Variants in PRCC observed in about 807,000 individuals in gnomAD.
PRCC encodes proline rich mitotic checkpoint control factor, also known as proline-rich protein PRCC.
A neutral mutation model predicts 44.0 loss-of-function variants in PRCC; 10 were observed. The observed-to-expected ratio is 0.23, with a 90% CI of 0.14 to 0.39. The LOEUF is 0.39. Ranked by LOEUF, PRCC falls within the 10% of genes least tolerant of loss-of-function variation. The pLI is 1.00. For missense variants in PRCC, 573 were observed against 624.7 expected, an observed-to-expected ratio of 0.92 and a Z score of 0.88; for synonymous variants, 278 against 259.5, an observed-to-expected ratio of 1.07 and a Z score of -0.69.
In PRCC at chr1:156,767,572, T is replaced by G. The variant is rs546635373; in HGVS notation, c.-200T>G. On this transcript the variant is annotated 5_prime_UTR_variant, in exon 1 of 7. Coordinates refer to ENST00000271526, the MANE Select transcript of PRCC (RefSeq NM_005973.5). ...TGTGTAGTTGCCCGGGACTAGGAGC[T>G]TAAGTGAAGAGGTACGCCTTGTTCG... 1.7e-6 allele frequency: 1 copy of G among 601,528 alleles called. No individual in the cohort carries two copies. Among genetic ancestry groups the G allele is most frequent in the Non-Finnish European group, 2.9e-6 (1 of 344,746 alleles). The allele number at this position is 601,528 out of a possible 1,614,324, so 37.3% of individuals were successfully genotyped here.
chr1:156,772,749 C>T (rs951664574), intron 1 of PRCC, among the ~76,000 whole-genome samples: 1 of 152,226 alleles, frequency 6.6e-6, no homozygotes, highest in Non-Finnish European at 1.5e-5. Flanking sequence ...TAAGAATTGC[C>T]TGCAGTGGAT....
intron 3 of PRCC, among the ~76,000 whole-genome samples, chr1:156,789,104 G>C (rs1652386950): frequency 6.6e-6 from 1 of 151,678 alleles, no homozygotes; most frequent in East Asian, 1.9e-4. Flanking sequence ...CGAGTAACTG[G>C]GATTATATGT....
At chr1:156,774,177 T>C (rs28886072) in intron 1 of PRCC, among the ~76,000 whole-genome samples, 1,426 of 79,868 alleles carry the variant, frequency 0.018, 11 homozygotes, top group Non-Finnish European at 0.028. Flanking sequence ...TTTTTTTTTT[T>C]TTTTTTTTTT....
chr1:156,787,227 A>G lies in PRCC; in HGVS notation c.1083+53A>G, dbSNP rs944134571. 5.2e-6 allele frequency: 8 copies of G among 1,535,990 alleles called. No individual in the cohort carries two copies. The African/African-American group carries it at 5.5e-5, about 11-fold the overall frequency. On this transcript the variant is annotated intron_variant, in intron 3 of 6. Transcript: ENST00000271526. ...AGGGAATGTTGGAACATGGTGGTCA[A>G]GGAGAGCTTTGAGCTAGTGATACAG... is the stretch of plus-strand genomic sequence containing the variant.
intron 1 of PRCC, among the ~76,000 whole-genome samples, chr1:156,779,142 T>TG (rs1651951883): frequency 3.5e-4 from 21 of 60,766 alleles, no homozygotes; most frequent in Non-Finnish European, 6.0e-4. Flanking sequence ...TTTTTTTTTT[T>TG]TTTTTTTTTT....
At chr1:156,784,462 AGTGGG>A (rs1652161643) in intron 2 of PRCC, among the ~76,000 whole-genome samples, 1 of 152,218 alleles carries the variant, frequency 6.6e-6, no homozygotes, top group African/African-American at 2.4e-5. Context: ...CTTAAGGCAG[AGTGGG>A]GACTTAGGAC....
At position 156,791,732 on chromosome 1, in the gene PRCC, C is replaced by A; in HGVS notation, c.1119C>A (p.Asp373Glu). 1.2e-5 allele frequency: 20 copies of A among 1,613,932 alleles called. No individual in the cohort carries two copies. The highest frequency in any genetic ancestry group is 1.7e-5 in the Non-Finnish European group (20 of 1,179,980). ...GTGGTGGCTACTATCCTGCACAGGA[C>A]CCGGCCCTGGTCCCCCCCCAGGAAA... Reference protein sequence around the residue: ...YYSGGYYPAQDPALVPPQEIA... With the variant: ...YYSGGYYPAQEPALVPPQEIA... The change falls in exon 4 of 7, where the codon GAC (aspartate) becomes GAA (glutamate). Residue 373 changes from aspartate (D) to glutamate (E), a missense_variant. Asp to Glu is a conservative substitution (Grantham distance 45). Transcript: ENST00000271526.
intron 1 of PRCC, among the ~76,000 whole-genome samples, chr1:156,775,235 G>C (rs1250418150): frequency 2.0e-5 from 3 of 152,042 alleles, no homozygotes; most frequent in Non-Finnish European, 4.4e-5. Flanking sequence ...GCTGCAGAGG[G>C]AGGCTCCATC....
chr1:156,774,244 T>C (rs1299418822), intron 1 of PRCC, among the ~76,000 whole-genome samples: 1 of 139,022 alleles, frequency 7.2e-6, no homozygotes, highest in Admixed American at 7.5e-5. Flanking sequence ...GGCTCAATCT[T>C]GGCTCACTGC....
intron 3 of PRCC, among the ~76,000 whole-genome samples, chr1:156,789,136 A>T (rs1028550266): frequency 6.8e-6 from 1 of 146,202 alleles, no homozygotes; most frequent in African/African-American, 2.6e-5. Context: ...TGCCTGGCTA[A>T]TTTTTGTATT....
intron 3 of PRCC, among the ~76,000 whole-genome samples, chr1:156,787,448 T>TATATATATA (rs1491308804): frequency 4.3e-5 from 3 of 70,162 alleles, no homozygotes; most frequent in African/African-American, 1.3e-4. Context: ...ATATTTGTGA[T>TATATATATA]TGATATATAT....
intron 1 of PRCC, among the ~76,000 whole-genome samples, chr1:156,769,261 A>T (rs528788791): frequency 6.7e-4 from 102 of 152,366 alleles, no homozygotes; most frequent in East Asian, 4.0e-3. Context: ...ACTTGGCCTA[A>T]AAGGCCTGTT....
intron 6 of PRCC, among the ~76,000 whole-genome samples, chr1:156,798,409 C>G (rs540393664): frequency 1.5e-4 from 23 of 152,108 alleles, no homozygotes; most frequent in Non-Finnish European, 2.8e-4. Context: ...ATGCTAGATT[C>G]ATTTATCTTG....
intron 3 of PRCC, among the ~76,000 whole-genome samples, chr1:156,789,925 A>G (rs972603338): frequency 6.6e-6 from 1 of 152,234 alleles, no homozygotes; most frequent in African/African-American, 2.4e-5. Flanking sequence ...AAAGTATAGA[A>G]TGCCAGGTTG....
intron 5 of PRCC, among the ~76,000 whole-genome samples, chr1:156,795,265 A>C (rs1571595639): frequency 7.4e-5 from 7 of 95,058 alleles, no homozygotes; most frequent in Admixed American, 1.2e-4. Context: ...CCTTCCTTCC[A>C]ATTGTTTTCA....
chr1:156,775,106 A>G (rs1407622906), intron 1 of PRCC, among the ~76,000 whole-genome samples: 1 of 150,812 alleles, frequency 6.6e-6, no homozygotes, highest in Non-Finnish European at 1.5e-5. Context: ...AAATTAGCCA[A>G]GCGTGGTGGC....
intron 1 of PRCC, among the ~76,000 whole-genome samples, chr1:156,774,359 G>GA (rs1651744593): frequency 6.6e-6 from 1 of 151,610 alleles, no homozygotes; most frequent in Admixed American, 6.6e-5. Flanking sequence ...ATCTTTAGTA[G>GA]AGACGGGGTT....
intron 4 of PRCC, among the ~76,000 whole-genome samples, chr1:156,792,620 A>C (rs1480606898): frequency 1.3e-5 from 2 of 151,732 alleles, no homozygotes; most frequent in Admixed American, 6.6e-5. Flanking sequence ...TGTCCAGCTA[A>C]TTTTTGTATT....
chr1:156,793,954 C>CTT (rs147637460), intron 4 of PRCC, among the ~76,000 whole-genome samples: 2 of 101,402 alleles, frequency 2.0e-5, no homozygotes, highest in Admixed American at 1.1e-4. Flanking sequence ...TTCTTTCTTT[C>CTT]TTTTTTTTTT....
Sources: allele counts gnomAD v4.1 joint callset (sites outside exome capture counted in the v4.1 genomes callset), GRCh38; gene constraint gnomAD v4.1.1; transcripts MANE v1.5; gene names NCBI Gene and HGNC (gene_info 2026-07-23, HGNC 2026-07-21).